MRPS6: variants seen among roughly 807,000 people sequenced by gnomAD.
MRPS6 encodes the protein mitochondrial ribosomal protein S6, also known as small ribosomal subunit protein bS6m.
In MRPS6, 6 loss-of-function variants were observed where a neutral mutation model predicts 13.1. The ratio of observed to expected loss-of-function variants is 0.46; its 90% confidence interval spans 0.25 to 0.91. MRPS6 has a LOEUF of 0.91. Among genes scored for constraint, MRPS6 ranks in the 40% least tolerant of loss-of-function variants. The probability of loss-of-function intolerance (pLI) is 0.18; values close to 1 mark genes in which losing one functional copy is unlikely to be tolerated. For missense variants in MRPS6, 164 were observed against 155.6 expected, an observed-to-expected ratio of 1.05 and a Z score of -0.29; for synonymous variants, 61 against 56.5, an observed-to-expected ratio of 1.08 and a Z score of -0.36.
intron 1 of MRPS6, among the ~76,000 whole-genome samples, chr21:34,080,494 A>G (rs1989434353): frequency 6.6e-6 from 1 of 152,010 alleles, no homozygotes; most frequent in South Asian, 2.1e-4. Flanking sequence ...CCCTTTCCAC[A>G]ATACCCCACC....
At chr21:34,128,372 C>T (rs576917606) in intron 2 of MRPS6, among the ~76,000 whole-genome samples, 1 of 152,208 alleles carries the variant, frequency 6.6e-6, no homozygotes, top group South Asian at 2.1e-4. Flanking sequence ...CCTCCGCCCC[C>T]CAAATCAACC....
chr21:34,112,615 ATTAC>A (rs577629993), intron 1 of MRPS6, among the ~76,000 whole-genome samples: 1 of 151,980 alleles, frequency 6.6e-6, no homozygotes. Context: ...GGCTCAGACA[ATTAC>A]TTACCTACTT....
chr21:34,109,176 A>T (rs1449870148), intron 1 of MRPS6, among the ~76,000 whole-genome samples: 2 of 151,962 alleles, frequency 1.3e-5, no homozygotes, highest in African/African-American at 4.8e-5. Context: ...GTATCTTCTC[A>T]TCTCTGAAGG....
rs761892832 is a variant in MRPS6, at chr21:34,102,366, G to A, written c.46-22975G>A. ...CCTTTAAAGGAATGTTGTGAGAATT[G>A]ATGTAATTTCTGTTTCTGTTTCCAT... On this transcript the variant is annotated intron_variant, in intron 1 of 2. Transcript: ENST00000399312. 1.6e-4 allele frequency: 156 copies of A among 999,662 alleles called. No homozygotes were observed. In the Middle Eastern group the frequency reaches 4.1e-3, roughly 26 times the overall value. The allele number at this position is 999,662 out of a possible 1,614,324, so 61.9% of individuals were successfully genotyped here.
intron 2 of MRPS6, among the ~76,000 whole-genome samples, chr21:34,127,012 G>A (rs1446220272): frequency 6.6e-6 from 1 of 152,166 alleles, no homozygotes; most frequent in Non-Finnish European, 1.5e-5. Context: ...AGGTCCTGGA[G>A]GAGCCCACTG....
At chr21:34,105,877 A>G (rs1169253621) in intron 1 of MRPS6, 3 of 990,128 alleles carry the variant, frequency 3.0e-6, no homozygotes, top group African/African-American at 3.5e-5. Flanking sequence ...TTGTAGATTT[A>G]AGATTGTTAA....
intron 1 of MRPS6, chr21:34,100,238 C>T (rs1323037576): frequency 3.0e-6 from 3 of 1,000,066 alleles, no homozygotes; most frequent in East Asian, 1.1e-4. Context: ...AGACTTTTGT[C>T]TTCTCAGGCA....
chr21:34,096,706 C>T lies in MRPS6; in HGVS notation c.45+22961C>T, dbSNP rs774983348. The T allele has an allele frequency of 6.2e-6, 10 of 1,614,024 alleles. No individual in the cohort carries two copies. Among genetic ancestry groups the T allele is most frequent in the Non-Finnish European group, 7.6e-6 (9 of 1,179,990 alleles). ...GAATGTGACCAACCTGATAATAGGC[C>T]GGGCTTCATCAAAGACATCCATTAT... On this transcript the variant is annotated intron_variant, in intron 1 of 2. Coordinates refer to ENST00000399312, the MANE Select transcript of MRPS6 (RefSeq NM_032476.4). This position sits in a 1 kb window ranked among gnomAD's most constrained non-coding sequence, Gnocchi z 5.9.
chr21:34,116,373 G>A (rs1365840694), intron 1 of MRPS6, among the ~76,000 whole-genome samples: 3 of 149,272 alleles, frequency 2.0e-5, no homozygotes, highest in Non-Finnish European at 3.0e-5. Flanking sequence ...GTGGTGTTTG[G>A]TTACATTAAT....
intron 1 of MRPS6, among the ~76,000 whole-genome samples, chr21:34,117,959 C>T (rs929643038): frequency 6.6e-6 from 1 of 152,054 alleles, no homozygotes; most frequent in East Asian, 1.9e-4. Context: ...TTAACTTAAG[C>T]AATTCTTAAG....
chr21:34,101,734 T>C (rs1979245821), intron 1 of MRPS6: 1 of 991,686 alleles, frequency 1.0e-6, no homozygotes, highest in South Asian at 4.7e-5. Context: ...AAATAATGAC[T>C]CATTAAATAT....
chr21:34,089,902 G>T (rs1677923926), intron 1 of MRPS6, among the ~76,000 whole-genome samples: 1 of 152,190 alleles, frequency 6.6e-6, no homozygotes, highest in Non-Finnish European at 1.5e-5. Context: ...TTTAGGGATG[G>T]TTAAAACATT....
At chr21:34,108,751 A>G (rs1979583121) in intron 1 of MRPS6, among the ~76,000 whole-genome samples, 1 of 152,234 alleles carries the variant, frequency 6.6e-6, no homozygotes, top group Non-Finnish European at 1.5e-5. Context: ...ATTCTGGGTT[A>G]GAAAGCACTT....
intron 1 of MRPS6, among the ~76,000 whole-genome samples, chr21:34,080,639 C>T (rs1989437551): frequency 6.6e-6 from 1 of 152,214 alleles, no homozygotes; most frequent in African/African-American, 2.4e-5. Flanking sequence ...AATCTCATCA[C>T]GTCTCCCATC....
intron 1 of MRPS6, among the ~76,000 whole-genome samples, chr21:34,117,594 A>G (rs984806356): frequency 2.0e-5 from 3 of 152,144 alleles, no homozygotes; most frequent in Non-Finnish European, 4.4e-5. Context: ...TGGGCTTCCT[A>G]GCGAGCAGCT....
At chr21:34,097,425 C>T in intron 1 of MRPS6, 1 of 1,356,632 alleles carries the variant, frequency 7.4e-7, no homozygotes, top group South Asian at 1.5e-5. Flanking sequence ...AGTTATGTAA[C>T]TGTGCATCTC....
chr21:34,085,600 C>CT (rs56135810), intron 1 of MRPS6, among the ~76,000 whole-genome samples: 23,315 of 130,194 alleles, frequency 0.18, 2,454 homozygotes, highest in African/African-American at 0.21. Context: ...GAAATAAGGA[C>CT]TTTTTTTTTT....
chr21:34,137,799 C>G (rs567968650), intron 2 of MRPS6, among the ~76,000 whole-genome samples: 1 of 150,382 alleles, frequency 6.6e-6, no homozygotes, highest in African/African-American at 2.5e-5. Flanking sequence ...TTTTTTTAAT[C>G]AGGAATGGCT....
chr21:34,100,895 A>G (rs1167559172), intron 1 of MRPS6: 1 of 1,000,022 alleles, frequency 1.0e-6, no homozygotes, highest in Non-Finnish European at 1.2e-6. Flanking sequence ...CTTGCTACTC[A>G]AAGGTTAGGT....
Sources: allele counts gnomAD v4.1 joint callset (sites outside exome capture counted in the v4.1 genomes callset), GRCh38; gene constraint gnomAD v4.1.1; non-coding constraint Gnocchi (gnomAD v3.1); transcripts MANE v1.5; gene names NCBI Gene and HGNC (gene_info 2026-07-23, HGNC 2026-07-21).